UBR4: variants seen among roughly 807,000 people sequenced by gnomAD.
The protein encoded by UBR4 is ubiquitin protein ligase E3 component n-recognin 4, also known as E3 ubiquitin-protein ligase UBR4.
Under a neutral mutation model 575.6 loss-of-function variants are expected in UBR4, and 124 were observed. The observed-to-expected ratio is 0.22, with a 90% CI of 0.19 to 0.25. The LOEUF is 0.25. Ranked by LOEUF, UBR4 falls within the 10% of genes least tolerant of loss-of-function variation. The probability of loss-of-function intolerance (pLI) is 1.00; values close to 1 mark genes in which losing one functional copy is unlikely to be tolerated. For synonymous variants in UBR4, 2,455 were observed against 2,473.7 expected, an observed-to-expected ratio of 0.99 and a Z score of 0.22; for missense variants, 4,818 against 6,478.8, an observed-to-expected ratio of 0.74 and a Z score of 8.80.
Position 19,187,121 on chromosome 1 carries a change from T to C in UBR4, c.1632+43A>G, listed in dbSNP as rs767864746. On this transcript the variant is annotated intron_variant, in intron 13 of 105. Transcript: ENST00000375254. The stretch of plus-strand genomic sequence containing the variant: ...ACATATATATATCATATATATAAAA[T>C]GAGACATTCTTCTAAATTATCAATG... 2.9e-5 allele frequency: 43 copies of C among 1,492,664 alleles called. No homozygotes were observed. In the South Asian group the frequency reaches 5.2e-4, roughly 18 times the overall value. The allele number at this position is 1,492,664 out of a possible 1,614,324, so 92.5% of individuals were successfully genotyped here.
rs546349413 is a variant in UBR4 at position 19,075,841 on chromosome 1, C to G, written c.15487+899G>C. On this transcript the variant is annotated intron_variant, in intron 105 of 105. Coordinates refer to ENST00000375254, the MANE Select transcript of UBR4 (RefSeq NM_020765.3). ...AGAGGCGTTCTCCTAACAGTGGGAT[C>G]TGGGGGGAGTTTGTTTTCCTGCTTC... is the stretch of plus-strand genomic sequence containing the variant. Among the ~76,000 whole-genome samples the G allele has an allele frequency of 3.9e-5, 6 of 152,336 alleles. No homozygotes were observed. The South Asian group carries it at 8.3e-4, about 21-fold the overall frequency.
Position 19,106,881 on chromosome 1 carries a change from G to C in UBR4, c.12191C>G (p.Pro4064Arg). Residue 4064 changes from proline (P) to arginine (R), a missense_variant, in exon 82 of 106, where the codon CCC (proline) becomes CGC (arginine). Transcript: ENST00000375254. ...AQAQLWLKRD[P>R]KASYDAWKKC... is the part of the protein sequence containing the mutation. Reference sequence around the variant, plus strand: ...CTTCCAGGCATCATAGGATGCCTTGGGGTCTCTCTTGAGCCACAGTTGAGC... The same window carrying C: ...CTTCCAGGCATCATAGGATGCCTTGCGGTCTCTCTTGAGCCACAGTTGAGC... 4 of 1,613,834 alleles carry C rather than the reference G, an allele frequency of 2.5e-6. No homozygotes were observed. Among genetic ancestry groups the C allele is most frequent in the Non-Finnish European group, 3.4e-6 (4 of 1,179,998 alleles).
intron 70 of UBR4, 89 bp downstream of exon 70, chr1:19,119,468 A>G (rs1325443647): frequency 5.0e-5 from 76 of 1,527,296 alleles, no homozygotes; most frequent in East Asian, 2.3e-5. Flanking sequence ...TGGACTCCCT[A>G]TATCTGGGTT....
Position 19,112,395 on chromosome 1 carries a change from C to T in UBR4, c.11801+129G>A, listed in dbSNP as rs1001622192. On this transcript the variant is annotated intron_variant, in intron 78 of 105. Transcript: ENST00000375254. The stretch of plus-strand genomic sequence containing the variant: ...ACACCCTGTGTCTCTTTCCATCTTT[C>T]CTTTGTTATAAGCTACCTAACTTGC... 8 of 1,100,906 alleles carry T rather than the reference C, an allele frequency of 7.3e-6. No individual in the cohort carries two copies. The African/African-American group carries it at 1.3e-4, about 17-fold the overall frequency. The allele number at this position is 1,100,906 out of a possible 1,614,324, so 68.2% of individuals were successfully genotyped here.
Position 19,126,455 on chromosome 1 carries a change from C to G in UBR4, c.9429G>C (p.Gln3143His), listed in dbSNP as rs1223767566. The G allele has an allele frequency of 6.2e-7, 1 of 1,614,170 alleles. No individual in the cohort carries two copies. Among genetic ancestry groups the G allele is most frequent in the Admixed American group, 1.7e-5 (1 of 60,024 alleles). Residue 3143 changes from glutamine to histidine, a missense_variant, in exon 64 of 106, where the codon CAG becomes CAC. Physicochemically the swap from Gln to His is conservative, Grantham distance 24. Transcript: ENST00000375254. ...GAGGGAAAGATCTCACCTTCACATA[C>G]TGGCGGAGAAAGAATGGGCTCATGT... ...PPDMSPFFLR[Q>H]YVKGHAADVF... is the part of the protein sequence containing the mutation.
chr1:19,108,534 T>C (rs1295569711), intron 81 of UBR4, among the ~76,000 whole-genome samples: 1 of 152,144 alleles, frequency 6.6e-6, no homozygotes, highest in African/African-American at 2.4e-5. Context: ...GAGCATTAAA[T>C]AGATTAGTAC....
At position 19,078,169 on chromosome 1, in the gene UBR4, T is replaced by C. The variant is rs552180501; in HGVS notation, c.15234-103A>G. ...GCAAGGGAAGAGTCACAGTGGTGTA[T>C]GCATCTCGGAGTTCCAGCGACTAGC... On this transcript the variant is annotated intron_variant, in intron 103 of 105. Coordinates refer to ENST00000375254, the MANE Select transcript of UBR4 (RefSeq NM_020765.3). 1.2e-5 allele frequency: 15 copies of C among 1,203,346 alleles called. No individual in the cohort carries two copies. In the Admixed American group the frequency reaches 1.3e-4, roughly 10 times the overall value. The allele number at this position is 1,203,346 out of a possible 1,614,324, so 74.5% of individuals were successfully genotyped here.
chr1:19,099,212 G>A (rs779476755), intron 90 of UBR4, among the ~76,000 whole-genome samples: 2 of 152,128 alleles, frequency 1.3e-5, no homozygotes, highest in Non-Finnish European at 2.9e-5. Context: ...TCTACTAAGC[G>A]AGCAGGCCCA....
chr1:19,139,977 C>T lies in UBR4; in HGVS notation c.8594-757G>A, dbSNP rs1179236414. Among the ~76,000 whole-genome samples, 1 of 152,138 alleles carries T rather than the reference C, an allele frequency of 6.6e-6. No individual in the cohort carries two copies. The highest frequency in any genetic ancestry group is 2.4e-5 in the African/African-American group (1 of 41,404). On this transcript the variant is annotated intron_variant, in intron 58 of 105. Transcript: ENST00000375254. This position sits in a 1 kb window ranked among gnomAD's most constrained non-coding sequence, Gnocchi z 4.2. Reference sequence around the variant, plus strand: ...GAACACGACTGGCACAACACAACAGCAACCTCAGAGCCTGAAATGACAGCA... The same window carrying T: ...GAACACGACTGGCACAACACAACAGTAACCTCAGAGCCTGAAATGACAGCA...
chr1:19,199,778 C>T lies in UBR4; in HGVS notation c.275-24G>A, dbSNP rs186184689. ...AACTGAGAAAGTAATAAACATTACT[C>T]AATTTCAGACTGCTCAGCGTTGGTC... On this transcript the variant is annotated intron_variant, in intron 2 of 105. Coordinates refer to ENST00000375254, the MANE Select transcript of UBR4 (RefSeq NM_020765.3). The T allele has an allele frequency of 4.5e-5, 71 of 1,587,510 alleles. No individual in the cohort carries two copies. In the East Asian group the frequency reaches 1.5e-3, roughly 34 times the overall value.
chr1:19,193,596 A>G (rs375124032), intron 8 of UBR4, 39 bp from the exon 9 acceptor site: 2 of 1,565,466 alleles, frequency 1.3e-6, no homozygotes, highest in African/African-American at 2.7e-5. Context: ...CATGGAGTGC[A>G]TCCAAGAATC....
rs775878405 is a variant in UBR4 at position 19,129,102 on chromosome 1, T to A, written c.8907-28A>T. 6 of 1,596,286 alleles carry A rather than the reference T, an allele frequency of 3.8e-6. No individual in the cohort carries two copies. In the South Asian group the frequency reaches 6.6e-5, roughly 18 times the overall value. On this transcript the variant is annotated intron_variant, in intron 60 of 105. Coordinates refer to ENST00000375254, the MANE Select transcript of UBR4 (RefSeq NM_020765.3). ...AAAAGGGTGGGGAAAAGATAGAAAA[T>A]ATGAGCTGTACTCCAACAGGACACA...
In UBR4 at chr1:19,138,029, CT is replaced by C; in HGVS notation, c.8883del (p.Gly2962GlufsTer14). 6.4e-7 allele frequency: 1 copy of C among 1,570,016 alleles called. No homozygotes were observed. The highest frequency in any genetic ancestry group is 8.7e-7 in the Non-Finnish European group (1 of 1,152,842). On this transcript the variant is annotated frameshift_variant, in exon 60 of 106. Coordinates refer to ENST00000375254, the MANE Select transcript of UBR4 (RefSeq NM_020765.3). LOFTEE classifies it high-confidence loss of function. ...GSEGEGEGET[E>X]GDVHTSNRLH... The stretch of plus-strand genomic sequence containing the variant: ...GACCTGTTGCTAGTGTGGACATCTC[CT>C]TCAGTTTCTCCTTCTCCTTCTCCCT...
Position 19,146,847 on chromosome 1 carries a change from T to C in UBR4, c.7783A>G (p.Lys2595Glu), listed in dbSNP as rs1436028031. Residue 2595 changes from lysine (K) to glutamate (E), a missense_variant, in exon 52 of 106, where the codon AAG becomes GAG. This residue lies in a region of UBR4 where 340 missense variants were observed against 375.4 expected (regional missense o/e 0.91). Transcript: ENST00000375254. The stretch of plus-strand genomic sequence containing the variant: ...TCACCTGTTTCCATCTGGGGCAGCT[T>C]TGACTCCGTAAAGTGGACAAGGTTG... ...PNNLVHFTES[K>E]LPQMETEGMD... The C allele has an allele frequency of 1.2e-6, 2 of 1,613,642 alleles. No individual in the cohort carries two copies. Among genetic ancestry groups the C allele is most frequent in the African/African-American group, 2.7e-5 (2 of 74,922 alleles).
rs2079793027 is a variant in UBR4, at chr1:19,110,969, C to A, written c.11802-137G>T. 2 of 818,140 alleles carry A rather than the reference C, an allele frequency of 2.4e-6. No homozygotes were observed. Among genetic ancestry groups the A allele is most frequent in the Non-Finnish European group, 3.8e-6 (2 of 527,256 alleles). The allele number at this position is 818,140 out of a possible 1,614,324, so 50.7% of individuals were successfully genotyped here. A position where few individuals can be genotyped will look rare whatever the true frequency, so the allele number is the denominator to read the frequency against. Reference sequence around the variant, plus strand: ...CAAATTTTCTACTTCCTTCCCGGGGCAAGACTAGAACTTTAGCTTCACAAA... The same window carrying A: ...CAAATTTTCTACTTCCTTCCCGGGGAAAGACTAGAACTTTAGCTTCACAAA... On this transcript the variant is annotated intron_variant, in intron 78 of 105. Transcript: ENST00000375254. This position sits in a 1 kb window ranked among gnomAD's most constrained non-coding sequence, Gnocchi z 4.5.
At chr1:19,198,440 C>CA in intron 5 of UBR4, 101 bp downstream of exon 5, 1 of 1,441,750 alleles carries the variant, frequency 6.9e-7, no homozygotes, top group Non-Finnish European at 9.4e-7. Context: ...ACATGTATAT[C>CA]ATTTTATATC....
chr1:19,136,738 A>G (rs1371083655), intron 60 of UBR4, among the ~76,000 whole-genome samples: 1 of 152,332 alleles, frequency 6.6e-6, no homozygotes, highest in Non-Finnish European at 1.5e-5. Flanking sequence ...TAAATTTTTT[A>G]AAAAATCATA....
intron 11 of UBR4, among the ~76,000 whole-genome samples, chr1:19,191,507 C>T (rs1248087680): frequency 3.3e-5 from 5 of 151,992 alleles, no homozygotes; most frequent in South Asian, 2.1e-4. Context: ...TATGACTCTC[C>T]GGCCCCTCGC....
intron 48 of UBR4, 41 bp downstream of exon 48, chr1:19,151,602 C>T: frequency 6.2e-7 from 1 of 1,610,506 alleles, no homozygotes; most frequent in Non-Finnish European, 8.5e-7. Context: ...ATTTCGCAGT[C>T]ACAATGAGGA....
Sources: gnomAD v4.1 joint callset for allele counts (sites outside exome capture counted in the v4.1 genomes callset) on GRCh38, gnomAD v4.1.1 for gene constraint, gnomAD v4.1.1 regional missense constraint, Gnocchi (gnomAD v3.1) non-coding constraint, MANE v1.5 for transcripts, NCBI Gene and HGNC (gene_info 2026-07-23, HGNC 2026-07-21) for gene names.